The following WNT10A variants were observed in gnomAD, a reference collection of about 807,000 sequenced individuals.
WNT10A encodes Wnt family member 10A, also known as protein Wnt-10a.
WNT10A carries 37 observed loss-of-function variants against 36.1 expected under a neutral mutation model. The ratio of observed to expected loss-of-function variants is 1.02; its 90% confidence interval spans 0.79 to 1.35. The LOEUF (loss-of-function observed/expected upper bound fraction) is 1.35, where lower values mean the gene tolerates loss of function less well. Among genes scored for constraint, WNT10A ranks in the 40% most tolerant of loss-of-function variants. WNT10A has a pLI of 0.00. For missense variants in WNT10A, 613 were observed against 601.4 expected (o/e 1.02, Z -0.20); for synonymous variants, 255 against 254.1 (o/e 1.00, Z -0.03).
In WNT10A at chr2:218,880,881, G is replaced by C; in HGVS notation, c.-115G>C. 7.6e-7 allele frequency: 1 copy of C among 1,310,910 alleles called. No individual in the cohort carries two copies. Among genetic ancestry groups the C allele is most frequent in the Non-Finnish European group, 1.0e-6 (1 of 993,312 alleles). The allele number at this position is 1,310,910 out of a possible 1,614,324, so 81.2% of individuals were successfully genotyped here. On this transcript the variant is annotated 5_prime_UTR_variant, in exon 1 of 4. Transcript: ENST00000258411. The surrounding 1 kb of genome is among the most constrained non-coding windows in gnomAD (Gnocchi z 7.7). ...GCTCCGGGAGCCCTGACCCGAGTCG[G>C]AGCTGTGTGTCGCAGCCGCCCCGAC...
intron 3 of WNT10A, among the ~76,000 whole-genome samples, chr2:218,892,308 CACACA>C (rs1944661797): frequency 0.011 from 7 of 620 alleles, no homozygotes; most frequent in Non-Finnish European, 4.2e-3. Context: ...CCCCACCACA[CACACA>C]CACACACACA....
At chr2:218,876,837 G>C (rs576637515), upstream of WNT10A, among the ~76,000 whole-genome samples, 3 of 152,314 alleles carry the variant, frequency 2.0e-5, no homozygotes, top group South Asian at 6.2e-4. Flanking sequence ...AACAGGGAGC[G>C]ACAGACAGGA....
intron 2 of WNT10A, among the ~76,000 whole-genome samples, chr2:218,882,995 C>A (rs915307506): frequency 2.0e-5 from 3 of 152,238 alleles, no homozygotes; most frequent in African/African-American, 7.2e-5. Context: ...TGCCTGTGTG[C>A]AGTGGCTCCT....
chr2:218,890,186 G>A lies in WNT10A; in HGVS notation c.579G>A (p.Pro193=), dbSNP rs147711964. Reference sequence around the variant, plus strand: ...GTAAGGGCCTGAGCCATGGGGTCCCGGAACACCCAGCCCTGCCCACAGCCA... The same window carrying A: ...GTAAGGGCCTGAGCCATGGGGTCCCAGAACACCCAGCCCTGCCCACAGCCA... ...QRGKGLSHGV[P]EHPALPTASP... is the part of the protein sequence containing the mutation. Residue 193 remains proline, a synonymous_variant, in exon 3 of 4, where the codon CCG becomes CCA. Coordinates refer to ENST00000258411, the MANE Select transcript of WNT10A (RefSeq NM_025216.3). 31 of 1,613,926 alleles carry A rather than the reference G, an allele frequency of 1.9e-5. No individual in the cohort carries two copies. The highest frequency in any genetic ancestry group is 6.7e-5 in the East Asian group (3 of 44,886).
chr2:218,874,755 G>A, the WNT10A span, among the ~76,000 whole-genome samples: 3 of 152,240 alleles, frequency 2.0e-5, no homozygotes, highest in Non-Finnish European at 4.4e-5. Flanking sequence ...TTTGGGGTCA[G>A]ACACTCTGGG....
intron 2 of WNT10A, 149 bp from the exon 3 acceptor site, chr2:218,889,835 T>G: frequency 7.5e-7 from 1 of 1,341,692 alleles, no homozygotes; most frequent in African/African-American, 1.4e-5. Flanking sequence ...TCTGGCGTGA[T>G]TTCTGCCCTT....
At position 218,893,451 on chromosome 2, in the gene WNT10A, T is replaced by A; in HGVS notation, c.*180T>A. The A allele has an allele frequency of 1.2e-6, 1 of 832,940 alleles. No individual in the cohort carries two copies. Among genetic ancestry groups the A allele is most frequent in the Non-Finnish European group, 1.8e-6 (1 of 562,380 alleles). The allele number at this position is 832,940 out of a possible 1,614,324, so 51.6% of individuals were successfully genotyped here. ...GATCGCCGGACAGTCCAGGCCTGTC[T>A]GAACCCCACCACTCACTTCTGTGGG... On this transcript the variant is annotated 3_prime_UTR_variant, in exon 4 of 4. Transcript: ENST00000258411. This position sits in a 1 kb window ranked among gnomAD's most constrained non-coding sequence, Gnocchi z 6.3.
intron 2 of WNT10A, among the ~76,000 whole-genome samples, chr2:218,888,693 A>G (rs1181978569): frequency 1.3e-5 from 2 of 152,018 alleles, no homozygotes; most frequent in African/African-American, 4.8e-5. Context: ...CTGGTGACCC[A>G]TTTCTTTGCC....
At chr2:218,889,365 A>T (rs920239666) in intron 2 of WNT10A, among the ~76,000 whole-genome samples, 2 of 152,190 alleles carry the variant, frequency 1.3e-5, no homozygotes, top group Non-Finnish European at 2.9e-5. Flanking sequence ...TGCAATTACA[A>T]ATTGTACTGC....
chr2:218,889,926 G>T (rs1384298176), intron 2 of WNT10A, 58 bp from the exon 3 acceptor site: 7 of 1,609,270 alleles, frequency 4.3e-6, no homozygotes, highest in Non-Finnish European at 5.9e-6. Flanking sequence ...AAGGTGGGCT[G>T]GAGAATGGGG....
intron 2 of WNT10A, among the ~76,000 whole-genome samples, chr2:218,887,120 G>A (rs185263590): frequency 1.3e-5 from 2 of 152,282 alleles, no homozygotes; most frequent in East Asian, 1.9e-4. Context: ...GGTTTCTTTC[G>A]CAGCAGCAGG....
In WNT10A at chr2:218,881,200, G is replaced by T. The variant is rs1460742615; in HGVS notation, c.113+92G>T. On this transcript the variant is annotated intron_variant, in intron 1 of 3. Transcript: ENST00000258411. ...GCTCTTGCTGGGGTAGAGGACCCTGGAAGAAGGGAGGGACAGGGTCATAGG... is the reference window on the plus strand; with the variant it reads ...GCTCTTGCTGGGGTAGAGGACCCTGTAAGAAGGGAGGGACAGGGTCATAGG... 3 of 1,519,000 alleles carry T rather than the reference G, an allele frequency of 2.0e-6. No homozygotes were observed. The East Asian group carries it at 7.4e-5, about 37-fold the overall frequency. The allele number at this position is 1,519,000 out of a possible 1,614,324, so 94.1% of individuals were successfully genotyped here.
In WNT10A at chr2:218,893,292, C is replaced by T. The variant is rs942569840; in HGVS notation, c.*21C>T. On this transcript the variant is annotated 3_prime_UTR_variant, in exon 4 of 4. Coordinates refer to ENST00000258411, the MANE Select transcript of WNT10A (RefSeq NM_025216.3). This position sits in a 1 kb window ranked among gnomAD's most constrained non-coding sequence, Gnocchi z 6.3. Reference sequence around the variant, plus strand: ...AGTGAGCGGCCCGGGGTCCCCTGGGCCCTGATCGAGGTCCCCTCCTGGAGC... The same window carrying T: ...AGTGAGCGGCCCGGGGTCCCCTGGGTCCTGATCGAGGTCCCCTCCTGGAGC... 4 of 1,537,132 alleles carry T rather than the reference C, an allele frequency of 2.6e-6. No individual in the cohort carries two copies. The African/African-American group carries it at 4.1e-5, about 16-fold the overall frequency.
In WNT10A at chr2:218,880,915, G is replaced by A; in HGVS notation, c.-81G>A. 1.4e-6 allele frequency: 2 copies of A among 1,458,208 alleles called. No individual in the cohort carries two copies. Among genetic ancestry groups the A allele is most frequent in the Non-Finnish European group, 9.0e-7 (1 of 1,109,314 alleles). The allele number at this position is 1,458,208 out of a possible 1,614,324, so 90.3% of individuals were successfully genotyped here. ...GTCGCAGCCGCCCCGACCCCCCGCCGATCATGCGCCGGCGCCCCTGGCTCT... is the reference window on the plus strand; with the variant it reads ...GTCGCAGCCGCCCCGACCCCCCGCCAATCATGCGCCGGCGCCCCTGGCTCT... On this transcript the variant is annotated 5_prime_UTR_variant, in exon 1 of 4. Transcript: ENST00000258411. This position sits in a 1 kb window ranked among gnomAD's most constrained non-coding sequence, Gnocchi z 7.7.
intron 2 of WNT10A, among the ~76,000 whole-genome samples, chr2:218,888,784 G>T (rs1445123251): frequency 6.6e-6 from 1 of 152,212 alleles, no homozygotes; most frequent in Admixed American, 6.5e-5. Flanking sequence ...GGGGCAGGGA[G>T]CATTAGGAGC....
chr2:218,880,791 C>A, upstream of WNT10A: 1 of 505,526 alleles, frequency 2.0e-6, no homozygotes, highest in Non-Finnish European at 3.4e-6. The surrounding 1 kb of genome is among the most constrained non-coding windows in gnomAD (Gnocchi z 7.7). Context: ...CTCTTCACCC[C>A]CCGCCCCCCC....
rs1419603125 is a variant in WNT10A at position 218,893,412 on chromosome 2, G to A, written c.*141G>A. 19 of 1,242,274 alleles carry A rather than the reference G, an allele frequency of 1.5e-5. No homozygotes were observed. Among genetic ancestry groups the A allele is most frequent in the Non-Finnish European group, 1.9e-5 (18 of 923,348 alleles). The allele number at this position is 1,242,274 out of a possible 1,614,324, so 77.0% of individuals were successfully genotyped here. The stretch of plus-strand genomic sequence containing the variant: ...CACATGATCTTATAGGAACCCCTCA[G>A]CTCTGAGGTCTGTGATCGCCGGACA... On this transcript the variant is annotated 3_prime_UTR_variant, in exon 4 of 4. Coordinates refer to ENST00000258411, the MANE Select transcript of WNT10A (RefSeq NM_025216.3). This position sits in a 1 kb window ranked among gnomAD's most constrained non-coding sequence, Gnocchi z 6.3.
chr2:218,874,947 C>G, the WNT10A span, among the ~76,000 whole-genome samples: 1 of 152,038 alleles, frequency 6.6e-6, no homozygotes. Context: ...GGTAGGTCTG[C>G]TCTATATAGC....
chr2:218,890,381 G>T lies in WNT10A; in HGVS notation c.756+18G>T. On this transcript the variant is annotated intron_variant, in intron 3 of 3. Transcript: ENST00000258411. ...GGAGGCAGGTGAGAGCCCCACCCCT[G>T]GGTCTGCTTCAAATCTCTTTGCCTA... The T allele has an allele frequency of 6.3e-7, 1 of 1,599,278 alleles. No homozygotes were observed. Among genetic ancestry groups the T allele is most frequent in the South Asian group, 1.1e-5 (1 of 91,038 alleles).
Sources: gnomAD v4.1 joint callset for allele counts (sites outside exome capture counted in the v4.1 genomes callset) on GRCh38, gnomAD v4.1.1 for gene constraint, Gnocchi (gnomAD v3.1) non-coding constraint, MANE v1.5 for transcripts, NCBI Gene and HGNC (gene_info 2026-07-23, HGNC 2026-07-21) for gene names.